The following USP20 variants were observed in gnomAD, a reference collection of about 807,000 sequenced individuals.
The protein encoded by USP20 is ubiquitin carboxyl-terminal hydrolase 20.
In USP20, 80 loss-of-function variants were observed where a neutral mutation model predicts 124.2. The observed-to-expected ratio is 0.64, with a 90% CI of 0.54 to 0.78. The LOEUF is 0.78. Ranked by LOEUF, USP20 falls within the 30% of genes least tolerant of loss-of-function variation. USP20 has a pLI of 0.00. For missense variants in USP20, 1,043 were observed against 1,244.4 expected, an observed-to-expected ratio of 0.84 and a Z score of 2.44; for synonymous variants, 481 against 512.3, an observed-to-expected ratio of 0.94 and a Z score of 0.83.
chr9:129,835,675 C>A, intron 1 of USP20, 176 bp downstream of exon 1: 1 of 154,850 alleles, frequency 6.5e-6, no homozygotes. Context: ...CTCCTCCGGT[C>A]GGCGCCCAGG....
intron 22 of USP20, among the ~76,000 whole-genome samples, chr9:129,877,041 A>C (rs1294673930): frequency 6.6e-6 from 1 of 152,108 alleles, no homozygotes; most frequent in African/African-American, 2.4e-5. Context: ...CCAAGGTGCA[A>C]ACCAGGACTC....
chr9:129,852,193 T>C (rs1588252243), intron 2 of USP20, among the ~76,000 whole-genome samples: 1 of 152,182 alleles, frequency 6.6e-6, no homozygotes, highest in East Asian at 1.9e-4. Flanking sequence ...GGTTTTAGAT[T>C]GTCTGGTGTG....
chr9:129,876,283 C>T, intron 22 of USP20, 45 bp downstream of exon 22: 2 of 1,527,142 alleles, frequency 1.3e-6, no homozygotes, highest in Non-Finnish European at 1.8e-6. Flanking sequence ...CCAGCCTCTG[C>T]CTGGGGCAGC....
At chr9:129,876,028 A>AT (rs2034388440) in intron 21 of USP20, 102 bp from the exon 22 acceptor site, 2 of 1,036,422 alleles carry the variant, frequency 1.9e-6, no homozygotes, top group Non-Finnish European at 2.8e-6. Context: ...GACAGCGCTG[A>AT]GGGGGCACTG....
intron 9 of USP20, among the ~76,000 whole-genome samples, chr9:129,864,788 A>C (rs2033743261): frequency 6.6e-6 from 1 of 152,064 alleles, no homozygotes; most frequent in African/African-American, 2.4e-5. Flanking sequence ...AAAAAAAAAA[A>C]AAAACCCAGC....
intron 23 of USP20, among the ~76,000 whole-genome samples, chr9:129,878,909 G>A (rs905020529): frequency 2.6e-5 from 4 of 152,240 alleles, no homozygotes; most frequent in African/African-American, 4.8e-5. Flanking sequence ...CGGCTGGGGC[G>A]CCCTCGGGGC....
chr9:129,864,695 A>G (rs894458488), intron 9 of USP20, among the ~76,000 whole-genome samples: 2 of 149,744 alleles, frequency 1.3e-5, no homozygotes, highest in Non-Finnish European at 3.0e-5. Flanking sequence ...AATCACTTGA[A>G]CTCGGGAGGC....
intron 22 of USP20, among the ~76,000 whole-genome samples, chr9:129,877,894 C>T (rs1418763042): frequency 6.6e-6 from 1 of 152,012 alleles, no homozygotes; most frequent in Non-Finnish European, 1.5e-5. Context: ...GCCAACATGG[C>T]GAAACCCCGT....
intron 1 of USP20, among the ~76,000 whole-genome samples, chr9:129,841,550 C>T (rs547299889): frequency 6.6e-6 from 1 of 152,232 alleles, no homozygotes; most frequent in East Asian, 1.9e-4. Flanking sequence ...TTTGTGGCAT[C>T]CCCCCACATT....
intron 1 of USP20, among the ~76,000 whole-genome samples, chr9:129,836,714 C>A (rs771975580): frequency 3.9e-5 from 6 of 152,200 alleles, no homozygotes; most frequent in Non-Finnish European, 7.3e-5. Flanking sequence ...CTCGGGACTT[C>A]TTGCACCAGC....
Position 129,880,232 on chromosome 9 carries a change from C to T in USP20, c.2704C>T (p.His902Tyr). ...VAQPLGPENL[H>Y]GEQKIEAETR... ...GCAGCCGCTGGGCCCAGAGAACCTG[C>T]ACGGGGAGCAGAAGATCGAAGCCGA... Residue 902 changes from histidine to tyrosine, a missense_variant, in exon 25 of 26, where the codon CAC (histidine) becomes TAC (tyrosine). Physicochemically the swap from His to Tyr is moderately conservative, Grantham distance 83 (BLOSUM62 2). Transcript: ENST00000372429. The T allele has an allele frequency of 6.2e-7, 1 of 1,612,674 alleles. No homozygotes were observed. The highest frequency in any genetic ancestry group is 2.2e-5 in the East Asian group (1 of 44,852).
At chr9:129,869,266 G>A (rs1318594213) in intron 12 of USP20, 44 bp from the exon 13 acceptor site, 1 of 1,575,582 alleles carries the variant, frequency 6.3e-7, no homozygotes, top group Non-Finnish European at 8.7e-7. Flanking sequence ...CCTCGCCCCG[G>A]CCAGGCAGGT....
At chr9:129,858,311 G>C (rs970638118) in intron 5 of USP20, among the ~76,000 whole-genome samples, 156 bp from the exon 6 acceptor site, 3 of 152,178 alleles carry the variant, frequency 2.0e-5, no homozygotes, top group Non-Finnish European at 4.4e-5. Context: ...CAGCCCTCAG[G>C]GTCCTGACTG....
At position 129,873,760 on chromosome 9, in the gene USP20, C is replaced by A. The variant is rs771744549; in HGVS notation, c.1740+16C>A. The A allele has an allele frequency of 5.6e-6, 9 of 1,609,752 alleles. No homozygotes were observed. Among genetic ancestry groups the A allele is most frequent in the Non-Finnish European group, 6.8e-6 (8 of 1,179,922 alleles). ...GTTGCCCGAGGTGAGCCAGTGGCCT[C>A]GGCAGCCTCCTCCTCAGCTATCTCG... On this transcript the variant is annotated intron_variant, in intron 17 of 25. Coordinates refer to ENST00000372429, the MANE Select transcript of USP20 (RefSeq NM_001110303.4).
chr9:129,852,868 G>T (rs1326066048), intron 3 of USP20, among the ~76,000 whole-genome samples: 3 of 152,184 alleles, frequency 2.0e-5, no homozygotes, highest in African/African-American at 7.2e-5. Flanking sequence ...AATGCTCTCT[G>T]TCCATTAGCT....
chr9:129,869,387 T>C lies in USP20; in HGVS notation c.1354T>C (p.Ser452Pro). ...CGTCATCTCAGACATCTTTGACGGC[T>C]CCATTCTCAGCCTTGTGCAGTGTCT... ...RSVISDIFDG[S>P]ILSLVQCLTC... Residue 452 changes from serine (S) to proline (P), a missense_variant, in exon 13 of 26, where the codon TCC becomes CCC. By Grantham distance (74) the Ser-to-Pro change is moderately conservative (BLOSUM62 -1). Transcript: ENST00000372429. 6.2e-7 allele frequency: 1 copy of C among 1,613,696 alleles called. No homozygotes were observed. Among genetic ancestry groups the C allele is most frequent in the South Asian group, 1.1e-5 (1 of 91,086 alleles).
chr9:129,852,535 C>T lies in USP20; in HGVS notation c.-16-5C>T. Reference sequence around the variant, plus strand: ...TAACCCGGGATTGCTTGTGTCTTCTCATAGGTGAGCCCAGGCCAGGATGGG... The same window carrying T: ...TAACCCGGGATTGCTTGTGTCTTCTTATAGGTGAGCCCAGGCCAGGATGGG... On this transcript the variant is annotated splice_polypyrimidine_tract_variant and splice_region_variant and intron_variant, in intron 2 of 25. Transcript: ENST00000372429. 6.3e-7 allele frequency: 1 copy of T among 1,580,168 alleles called. No individual in the cohort carries two copies.
chr9:129,868,493 C>T (rs2131083831), intron 11 of USP20, 44 bp downstream of exon 11: 2 of 1,574,392 alleles, frequency 1.3e-6, no homozygotes, highest in Non-Finnish European at 8.6e-7. Context: ...CAGCCTATGG[C>T]CCAGTACCTA....
chr9:129,846,640 T>A lies in USP20; in HGVS notation c.-128-3173T>A, dbSNP rs1452790120. Among the ~76,000 whole-genome samples, 49 of 151,102 alleles carry A rather than the reference T, an allele frequency of 3.2e-4. 1 individual carries two copies. Among genetic ancestry groups the A allele is most frequent in the Admixed American group, 5.3e-4 (8 of 15,158 alleles). On this transcript the variant is annotated intron_variant, in intron 1 of 25. Coordinates refer to ENST00000372429, the MANE Select transcript of USP20 (RefSeq NM_001110303.4). ...TTACTGTCTTTTTTTTTTTTTTTTT[T>A]AAGATGGAGTTTTGCTCTTGTCACC...
Sources: gnomAD v4.1 joint callset for allele counts (sites outside exome capture counted in the v4.1 genomes callset) on GRCh38, gnomAD v4.1.1 for gene constraint, MANE v1.5 for transcripts, NCBI Gene and HGNC (gene_info 2026-07-23, HGNC 2026-07-21) for gene names.